The following MZT2A variants were observed in gnomAD, a reference collection of about 807,000 sequenced individuals.
MZT2A encodes the protein mitotic-spindle organizing protein 2A.
MZT2A carries 8 observed loss-of-function variants against 12.4 expected under a neutral mutation model. The ratio of observed to expected loss-of-function variants is 0.64; its 90% CI spans 0.38 to 1.16. MZT2A has a LOEUF of 1.16. MZT2A is among the 50% of genes most tolerant of loss of function. The pLI is 0.01. For synonymous variants in MZT2A, 88 were observed against 107.5 expected, an observed-to-expected ratio of 0.82 and a Z score of 1.12; for missense variants, 181 against 223.6, an observed-to-expected ratio of 0.81 and a Z score of 1.22.
chr2:131,486,953 G>A (rs1268266930), intron 2 of MZT2A, among the ~76,000 whole-genome samples: 2 of 152,154 alleles, frequency 1.3e-5, no homozygotes, highest in African/African-American at 4.8e-5. Context: ...CTTTATGAAG[G>A]ATGAGAAGGC....
chr2:131,479,977 T>C, downstream of MZT2A: 1 of 1,473,358 alleles, frequency 6.8e-7, no homozygotes, highest in Non-Finnish European at 9.1e-7. Context: ...CCATATCAAC[T>C]CTTTAGAGGC....
chr2:131,489,637 G>T (rs1300626182), intron 2 of MZT2A: 1 of 154,272 alleles, frequency 6.5e-6, no homozygotes, highest in Non-Finnish European at 1.4e-5. Flanking sequence ...CAAAGTGCTG[G>T]GATTACAGGC....
chr2:131,482,635 C>T (rs778758432), downstream of MZT2A: 1 of 1,614,240 alleles, frequency 6.2e-7, no homozygotes, highest in South Asian at 1.1e-5. Context: ...TGCTGAGCAA[C>T]ACCACGGCCA....
chr2:131,491,198 C>T (rs1218032545), intron 2 of MZT2A: 3 of 465,020 alleles, frequency 6.5e-6, no homozygotes, highest in Middle Eastern at 3.1e-4. Flanking sequence ...GAGGCTCCAC[C>T]ATGACACTCT....
At chr2:131,488,896 T>G (rs1439688285) in intron 2 of MZT2A, among the ~76,000 whole-genome samples, 1 of 151,742 alleles carries the variant, frequency 6.6e-6, no homozygotes, top group African/African-American at 2.4e-5. Flanking sequence ...TCGGGTAAAT[T>G]CTCTTGGAGC....
chr2:131,489,525 T>A (rs982297731), intron 2 of MZT2A: 4 of 144,092 alleles, frequency 2.8e-5, no homozygotes, highest in Non-Finnish European at 4.4e-5. Flanking sequence ...CCACCATGCC[T>A]GGCTAATTTT....
At chr2:131,489,004 C>CA (rs1221893152) in intron 2 of MZT2A, among the ~76,000 whole-genome samples, 2 of 151,632 alleles carry the variant, frequency 1.3e-5, no homozygotes, top group Non-Finnish European at 2.9e-5. Flanking sequence ...TGTGCCCCCC[C>CA]ACCTGCCTCC....
intron 2 of MZT2A, among the ~76,000 whole-genome samples, chr2:131,476,810 C>T (rs1403187309): frequency 2.6e-5 from 4 of 151,472 alleles, no homozygotes; most frequent in African/African-American, 9.8e-5. Flanking sequence ...TGATGCGAGT[C>T]TGTGGTTCCA....
intron 3 of MZT2A, chr2:131,471,979 A>G: frequency 2.6e-6 from 3 of 1,166,656 alleles, no homozygotes; most frequent in African/African-American, 1.7e-5. Context: ...AGGAGTCCCA[A>G]GGAGGTCTTT....
intron 3 of MZT2A, among the ~76,000 whole-genome samples, chr2:131,471,140 A>G (rs185366757): frequency 4.5e-4 from 61 of 134,498 alleles, no homozygotes; most frequent in African/African-American, 2.1e-3. Flanking sequence ...GGCGGCTCCC[A>G]CATGGGGAGA....
chr2:131,480,655 G>C, downstream of MZT2A: 1 of 1,613,806 alleles, frequency 6.2e-7, no homozygotes, highest in South Asian at 1.1e-5. Flanking sequence ...TTGTACAGGG[G>C]GGACGTGGTC....
chr2:131,492,921 C>A, upstream of MZT2A: 2 of 1,520,160 alleles, frequency 1.3e-6, no homozygotes, highest in Middle Eastern at 1.8e-4. Context: ...CCACTCCCTC[C>A]CCCCGCACTC....
chr2:131,493,570 G>A (rs1336939494), upstream of MZT2A, among the ~76,000 whole-genome samples: 12 of 152,300 alleles, frequency 7.9e-5, no homozygotes, highest in South Asian at 2.1e-4. Context: ...TCGCAGGAGA[G>A]TTGGAAACAA....
chr2:131,478,162 A>G (rs777842519), intron 2 of MZT2A: 165 of 1,611,942 alleles, frequency 1.0e-4, no homozygotes, highest in Non-Finnish European at 1.4e-4. Flanking sequence ...TCCTGTTCAC[A>G]GCGCGAGTGT....
intron 2 of MZT2A, among the ~76,000 whole-genome samples, chr2:131,472,496 T>C (rs1255206894): frequency 6.6e-6 from 1 of 152,250 alleles, no homozygotes. Flanking sequence ...TATGTGTTAC[T>C]TTTATAATCA....
At chr2:131,478,646 G>A (rs561877308) in intron 2 of MZT2A, 18 of 689,688 alleles carry the variant, frequency 2.6e-5, no homozygotes, top group East Asian at 1.1e-4. Context: ...TCCCTCGTGC[G>A]TGCCTCAGCC....
In MZT2A at chr2:131,484,331, G is replaced by A. The variant is rs1258289641; in HGVS notation, c.320-113C>T. The A allele has an allele frequency of 1.1e-5, 16 of 1,486,010 alleles. No homozygotes were observed. The East Asian group carries it at 1.2e-4, about 11-fold the overall frequency. 92.1% of individuals were successfully genotyped at this position (1,486,010 alleles called of 1,614,324 possible). A position where few individuals can be genotyped will look rare whatever the true frequency, so the allele number is the denominator to read the frequency against. On this transcript the variant is annotated intron_variant, in intron 2 of 2. Transcript: ENST00000309451. ...GTGTCTACACATTTCCATCAAAGTC[G>A]CTTCAGCTAGAGGCCCTGCATCAGC...
At chr2:131,484,525 T>C (rs982186850) in intron 2 of MZT2A, among the ~76,000 whole-genome samples, 2 of 152,212 alleles carry the variant, frequency 1.3e-5, no homozygotes, top group Non-Finnish European at 2.9e-5. Context: ...TAGGGAAAGG[T>C]AGGTGTGGTG....
At chr2:131,493,025 CT>C, upstream of MZT2A, 2 of 1,488,424 alleles carry the variant, frequency 1.3e-6, no homozygotes, top group Non-Finnish European at 9.0e-7. Flanking sequence ...GGTAGAAGCG[CT>C]TTTCCCGCCC....
Sources: gnomAD v4.1 joint callset for allele counts (sites outside exome capture counted in the v4.1 genomes callset) on GRCh38, gnomAD v4.1.1 for gene constraint, MANE v1.5 for transcripts, NCBI Gene and HGNC (gene_info 2026-07-23, HGNC 2026-07-21) for gene names.